Variants in MGAM observed in about 807,000 individuals in gnomAD.
The protein encoded by MGAM is maltase-glucoamylase, also known as alpha-1,4-glucosidase.
Under a neutral mutation model 358.8 loss-of-function variants are expected in MGAM, and 253 were observed. The ratio of observed to expected loss-of-function variants is 0.71; its 90% CI spans 0.64 to 0.78. The LOEUF (loss-of-function observed/expected upper bound fraction) is 0.78. MGAM is among the 30% of genes least tolerant of loss of function. The pLI is 0.00. For synonymous variants in MGAM, 1,105 were observed against 1,227.1 expected, an observed-to-expected ratio of 0.90 and a Z score of 2.08; for missense variants, 3,080 against 3,432.6, an observed-to-expected ratio of 0.90 and a Z score of 2.57.
rs1158508538 is a variant in MGAM, at chr7:142,045,774, G to T, written c.2499-2011G>T. ...TATATCATATATACATACAATGTAT[G>T]AATATATAATATACATATCGTATAT... On this transcript the variant is annotated intron_variant, in intron 21 of 70. Coordinates refer to ENST00000475668, the MANE Select transcript of MGAM (RefSeq NM_001365693.1). Among the ~76,000 whole-genome samples the T allele has an allele frequency of 1.7e-5, 2 of 118,590 alleles. 1 individual carries two copies. The highest frequency in any genetic ancestry group is 3.2e-5 in the Non-Finnish European group (2 of 63,124). 77.8% of individuals were successfully genotyped at this position (118,590 alleles called of 152,430 possible).
intron 21 of MGAM, among the ~76,000 whole-genome samples, chr7:142,041,905 TTA>T (rs1554468767): frequency 1.5e-4 from 4 of 26,704 alleles, no homozygotes. Context: ...AATATATATA[TTA>T]TATATATACG....
intron 68 of MGAM, among the ~76,000 whole-genome samples, chr7:142,101,423 T>C (rs1373007688): frequency 6.6e-6 from 1 of 151,134 alleles, no homozygotes; most frequent in African/African-American, 2.4e-5. Flanking sequence ...TTGTATCTAG[T>C]AGGCATATGA....
At chr7:142,020,367 G>T (rs137891227) in intron 4 of MGAM, among the ~76,000 whole-genome samples, 1 of 152,026 alleles carries the variant, frequency 6.6e-6, no homozygotes, top group South Asian at 2.1e-4. Flanking sequence ...AATTAATACC[G>T]AATGACTGAT....
At chr7:142,073,969 C>G in intron 44 of MGAM, 116 bp from the exon 45 acceptor site, 2 of 766,916 alleles carry the variant, frequency 2.6e-6, no homozygotes, top group African/African-American at 1.7e-5. Context: ...CCTCAAGAAA[C>G]AGAACCATCT....
chr7:142,060,246 A>G (rs1211752615), intron 33 of MGAM, 65 bp from the exon 34 acceptor site: 2 of 1,583,432 alleles, frequency 1.3e-6, no homozygotes, highest in African/African-American at 2.7e-5. Flanking sequence ...ATAACAATTT[A>G]TTAGGAAATA....
chr7:142,055,717 G>A lies in MGAM; in HGVS notation c.3474G>A (p.Gln1158=), dbSNP rs1317590627. 1 of 1,613,886 alleles carries A rather than the reference G, an allele frequency of 6.2e-7. No individual in the cohort carries two copies. Among genetic ancestry groups the A allele is most frequent in the East Asian group, 2.2e-5 (1 of 44,866 alleles). The change falls in exon 28 of 71, where the codon CAG becomes CAA. Residue 1158 remains glutamine, a synonymous_variant. Transcript: ENST00000475668. ...CTTGGGGGATGTTCTCCCGAGACCA[G>A]CCCCCAGGGGTAAGGACAGAGCATT... ...WHTWGMFSRD[Q]PPGYKKNSYG...
intron 8 of MGAM, among the ~76,000 whole-genome samples, chr7:142,025,644 A>G (rs1806898121): frequency 6.6e-6 from 1 of 152,232 alleles, no homozygotes; most frequent in East Asian, 1.9e-4. Context: ...AATGGGTCAC[A>G]GACTGTTTCA....
Position 142,085,897 on chromosome 7 carries a change from T to C in MGAM, c.6572T>C (p.Phe2191Ser). The change falls in exon 55 of 71, where the codon TTT becomes TCT. Residue 2191 changes from phenylalanine to serine, a missense_variant. Physicochemically the swap from Phe to Ser is radical, Grantham distance 155. Transcript: ENST00000475668. ...RQLDFTLSPK[F>S]AGFPALINRM... ...CTGGACTTCACCCTCAGCCCCAAGT[T>C]TGCCGGGTTTCCAGCTCTGATCAAT... 3 of 1,566,242 alleles carry C rather than the reference T, an allele frequency of 1.9e-6. No homozygotes were observed.
At chr7:141,998,243 T>C (rs1554449434) in intron 1 of MGAM, among the ~76,000 whole-genome samples, 1 of 152,206 alleles carries the variant, frequency 6.6e-6, no homozygotes, top group Non-Finnish European at 1.5e-5. Context: ...GTAATAATTC[T>C]TTTTTTAAAT....
intron 21 of MGAM, among the ~76,000 whole-genome samples, chr7:142,045,852 TATATATATTATATATACATACA>T (rs1810277426): frequency 8.6e-6 from 1 of 116,434 alleles, no homozygotes; most frequent in African/African-American, 3.6e-5. Context: ...CAATATGTAA[TATATATATTATATATACATACA>T]ATATGTAATA....
chr7:142,023,926 T>C (rs1356229031), intron 7 of MGAM, among the ~76,000 whole-genome samples: 2 of 152,098 alleles, frequency 1.3e-5, no homozygotes, highest in Non-Finnish European at 1.5e-5. Context: ...CCTTCTTCCA[T>C]CTATTGAATT....
Position 142,084,491 on chromosome 7 carries a change from G to A in MGAM, c.6382-28G>A, listed in dbSNP as rs1232326450. 2.6e-6 allele frequency: 4 copies of A among 1,550,546 alleles called. 1 individual carries two copies. Among genetic ancestry groups the A allele is most frequent in the East Asian group, 2.3e-5 (1 of 43,860 alleles). ...CTTCAATCTGGTGTCTCTGTTCTGA[G>A]GACTAATATTTTCTGTCTATTTTCT... On this transcript the variant is annotated intron_variant, in intron 53 of 70. Coordinates refer to ENST00000475668, the MANE Select transcript of MGAM (RefSeq NM_001365693.1).
At chr7:141,994,085 A>G (rs558434029), upstream of MGAM, among the ~76,000 whole-genome samples, 7 of 152,260 alleles carry the variant, frequency 4.6e-5, no homozygotes, top group South Asian at 2.1e-4. Context: ...CATGTTGGCC[A>G]GGCTGGTCTT....
rs763035134 is a variant in MGAM, at chr7:142,052,938, T to A, written c.3113T>A (p.Leu1038His). 3.3e-5 allele frequency: 53 copies of A among 1,613,746 alleles called. No homozygotes were observed. Among genetic ancestry groups the A allele is most frequent in the South Asian group, 2.4e-4 (22 of 91,070 alleles). Reference sequence around the variant, plus strand: ...TTCCCCTCCACACCCGTGAACCCCCTTCGCCTGGATGTCACTTACCATAAG... The same window carrying A: ...TTCCCCTCCACACCCGTGAACCCCCATCGCCTGGATGTCACTTACCATAAG... ...NAFPSTPVNP[L>H]RLDVTYHKNE... The change falls in exon 26 of 71, where the codon CTT becomes CAT. Residue 1038 changes from leucine to histidine, a missense_variant. Leu to His is a moderately conservative substitution (Grantham distance 99). Transcript: ENST00000475668.
At chr7:142,068,433 C>G (rs1354299378) in intron 42 of MGAM, among the ~76,000 whole-genome samples, 1 of 145,540 alleles carries the variant, frequency 6.9e-6, no homozygotes, top group Non-Finnish European at 1.6e-5. Context: ...TCCTGGATAT[C>G]AAAGTGCTTT....
rs1563201932 is a variant in MGAM at position 142,078,493 on chromosome 7, T to A, written c.5646+23T>A. 3 of 1,525,582 alleles carry A rather than the reference T, an allele frequency of 2.0e-6. No homozygotes were observed. In the East Asian group the frequency reaches 6.9e-5, roughly 35 times the overall value. 94.5% of individuals were successfully genotyped at this position (1,525,582 alleles called of 1,614,324 possible). A position where few individuals can be genotyped will look rare whatever the true frequency, so the allele number is the denominator to read the frequency against. ...GAGGTAACCATGCTGATGGGGTTCA[T>A]GTGCATGAAAATCTCCACACCTAAT... On this transcript the variant is annotated intron_variant, in intron 48 of 70. Coordinates refer to ENST00000475668, the MANE Select transcript of MGAM (RefSeq NM_001365693.1).
At chr7:142,030,068 G>T (rs1476396551) in intron 10 of MGAM, among the ~76,000 whole-genome samples, 14 of 152,152 alleles carry the variant, frequency 9.2e-5, no homozygotes, top group Admixed American at 9.2e-4. Context: ...TTAGGGGTTT[G>T]TCATAATTGG....
chr7:141,991,808 C>G (rs782051181), upstream of MGAM, among the ~76,000 whole-genome samples: 1 of 152,116 alleles, frequency 6.6e-6, no homozygotes, highest in Non-Finnish European at 1.5e-5. Context: ...AGTAGACATG[C>G]TTTTCTAATA....
chr7:142,045,388 A>C (rs1810075128), intron 21 of MGAM, among the ~76,000 whole-genome samples: 1 of 82,734 alleles, frequency 1.2e-5, no homozygotes, highest in Admixed American at 1.9e-4. Flanking sequence ...ATATCCCTAT[A>C]ATACATGATA....
Sources: gnomAD v4.1 joint callset for allele counts (sites outside exome capture counted in the v4.1 genomes callset) on GRCh38, gnomAD v4.1.1 for gene constraint, MANE v1.5 for transcripts, NCBI Gene and HGNC (gene_info 2026-07-23, HGNC 2026-07-21) for gene names.